Variants in TMEM131 observed in about 807,000 individuals in gnomAD.
The protein encoded by TMEM131 is transmembrane protein 131.
In TMEM131, 66 loss-of-function variants were observed where a neutral mutation model predicts 211.6. The ratio of observed to expected loss-of-function variants is 0.31; its 90% CI spans 0.26 to 0.38. The LOEUF (loss-of-function observed/expected upper bound fraction) is 0.38. Among genes scored for constraint, TMEM131 ranks in the 10% least tolerant of loss-of-function variants. The pLI, the probability that TMEM131 is intolerant of heterozygous loss-of-function variation, is 1.00. For synonymous variants in TMEM131, 844 were observed against 841.3 expected (o/e 1.00, Z -0.06); for missense variants, 2,036 against 2,299.3 (o/e 0.89, Z 2.34).
chr2:97,813,295 T>C (rs890547453), intron 15 of TMEM131, among the ~76,000 whole-genome samples: 2 of 152,182 alleles, frequency 1.3e-5, no homozygotes, highest in Non-Finnish European at 2.9e-5. Context: ...AGCGAGACAT[T>C]ACTGAAGGTC....
At position 97,802,704 on chromosome 2, in the gene TMEM131, A is replaced by C. The variant is rs1394543829; in HGVS notation, c.2489T>G (p.Leu830Arg). 1.2e-6 allele frequency: 2 copies of C among 1,608,840 alleles called. No homozygotes were observed. The highest frequency in any genetic ancestry group is 1.7e-5 in the Admixed American group (1 of 58,990). ...AAATTTCAAGTGCCGGGGTGAGCTA[A>C]GTATGGAAGGCCAGGAGAGCTCAGC... ...ITAELSWPSI[L>R]SSPRHLKFPL... Residue 830 changes from leucine to arginine, a missense_variant, in exon 23 of 41, where the codon CTT (leucine) becomes CGT (arginine). Transcript: ENST00000186436.
intron 33 of TMEM131, among the ~76,000 whole-genome samples, chr2:97,767,738 G>A (rs1321823928): frequency 2.0e-5 from 3 of 152,160 alleles, no homozygotes; most frequent in Non-Finnish European, 4.4e-5. Flanking sequence ...ACATTTCAGT[G>A]TGCTTTCTGC....
At chr2:97,781,906 C>T (rs1281521228) in intron 31 of TMEM131, among the ~76,000 whole-genome samples, 4 of 152,232 alleles carry the variant, frequency 2.6e-5, no homozygotes, top group African/African-American at 9.6e-5. Flanking sequence ...ACAAAGGCTC[C>T]AGGCCAACAC....
chr2:97,876,792 C>T (rs564860746), intron 4 of TMEM131, among the ~76,000 whole-genome samples: 5 of 152,110 alleles, frequency 3.3e-5, no homozygotes, highest in Non-Finnish European at 7.4e-5. Context: ...AAACTGGCAC[C>T]AGACAAGGAT....
intron 31 of TMEM131, among the ~76,000 whole-genome samples, chr2:97,781,960 G>A (rs575163093): frequency 3.9e-5 from 6 of 152,312 alleles, no homozygotes; most frequent in African/African-American, 1.4e-4. Flanking sequence ...GCCAACAAAG[G>A]CCAAAGTGGG....
In TMEM131 at chr2:97,821,658, A is replaced by G. The variant is rs1053646958; in HGVS notation, c.1075-2937T>C. On this transcript the variant is annotated intron_variant, in intron 11 of 40. Coordinates refer to ENST00000186436, the MANE Select transcript of TMEM131 (RefSeq NM_015348.2). ...CCACATGGGATACATTTTGGTGACC[A>G]GGAAGGGACTATCGCCAAGCAGTGA... Among the ~76,000 whole-genome samples the G allele has an allele frequency of 2.6e-5, 4 of 152,224 alleles. No homozygotes were observed. In the East Asian group the frequency reaches 7.7e-4, roughly 29 times the overall value.
intron 4 of TMEM131, among the ~76,000 whole-genome samples, chr2:97,873,435 C>T (rs1359921089): frequency 1.3e-5 from 2 of 152,214 alleles, no homozygotes; most frequent in African/African-American, 2.4e-5. Flanking sequence ...GGTCCCTGAC[C>T]GCCGTGTATC....
intron 6 of TMEM131, among the ~76,000 whole-genome samples, chr2:97,843,283 A>G (rs1406850480): frequency 6.6e-6 from 1 of 152,206 alleles, no homozygotes; most frequent in Non-Finnish European, 1.5e-5. Context: ...CATAGGTAGA[A>G]GGGCATGTAT....
intron 1 of TMEM131, among the ~76,000 whole-genome samples, chr2:97,984,346 T>A (rs891303707): frequency 4.0e-5 from 6 of 150,168 alleles, no homozygotes; most frequent in Non-Finnish European, 7.4e-5. Flanking sequence ...TTTCTTGGTA[T>A]TTTTTTTTTA....
chr2:97,827,252 C>A, intron 11 of TMEM131: 2 of 779,410 alleles, frequency 2.6e-6, no homozygotes, highest in Non-Finnish European at 4.7e-6. Context: ...GCCAGGATGC[C>A]CAAGAGGAAG....
rs1252539364 is a variant in TMEM131, at chr2:97,802,719, G to C, written c.2474C>G (p.Ser825Cys). 1.9e-6 allele frequency: 3 copies of C among 1,600,890 alleles called. No individual in the cohort carries two copies. Among genetic ancestry groups the C allele is most frequent in the Non-Finnish European group, 2.6e-6 (3 of 1,175,518 alleles). Residue 825 changes from serine to cysteine, a missense_variant, in exon 23 of 41, where the codon TCC (serine) becomes TGC (cysteine). Physicochemically the swap from Ser to Cys is moderately radical, Grantham distance 112. Transcript: ENST00000186436. ...GGGTGAGCTAAGTATGGAAGGCCAG[G>C]AGAGCTCAGCAGTGATTTTTGATAT... ...NIISKITAEL[S>C]WPSILSSPRH...
chr2:97,967,793 G>C (rs545440799), intron 1 of TMEM131, among the ~76,000 whole-genome samples: 1 of 152,196 alleles, frequency 6.6e-6, no homozygotes, highest in South Asian at 2.1e-4. Flanking sequence ...AGGTCACAGA[G>C]CTAGTAAGCA....
chr2:97,939,928 A>C (rs952706581), intron 1 of TMEM131, among the ~76,000 whole-genome samples: 3 of 152,226 alleles, frequency 2.0e-5, no homozygotes, highest in Non-Finnish European at 2.9e-5. Flanking sequence ...AAACTACATG[A>C]CTATCTCAAT....
At chr2:97,890,953 G>C (rs1675351768) in intron 3 of TMEM131, among the ~76,000 whole-genome samples, 1 of 152,112 alleles carries the variant, frequency 6.6e-6, no homozygotes, top group African/African-American at 2.4e-5. Context: ...ATAAATAAAA[G>C]CATATTTTCA....
intron 1 of TMEM131, among the ~76,000 whole-genome samples, chr2:97,985,701 GA>G (rs990306180): frequency 1.2e-4 from 18 of 149,680 alleles, no homozygotes; most frequent in East Asian, 9.8e-4. Context: ...AATACCCTGG[GA>G]AAAAAAAAAT....
intron 1 of TMEM131, among the ~76,000 whole-genome samples, chr2:97,929,332 A>G (rs1677121443): frequency 6.6e-6 from 1 of 151,772 alleles, no homozygotes; most frequent in African/African-American, 2.4e-5. Context: ...ATATCCATAA[A>G]CCCATATTGC....
At chr2:97,954,029 C>CT (rs1305829822) in intron 1 of TMEM131, among the ~76,000 whole-genome samples, 24 of 152,158 alleles carry the variant, frequency 1.6e-4, no homozygotes, top group Non-Finnish European at 7.3e-5. Flanking sequence ...GACCGAAACA[C>CT]TTATGTCACA....
intron 1 of TMEM131, among the ~76,000 whole-genome samples, chr2:97,929,098 G>C (rs546036090): frequency 3.3e-5 from 5 of 151,696 alleles, no homozygotes; most frequent in African/African-American, 1.2e-4. Context: ...GCTTCCTGGA[G>C]CAATGGCCGA....
At chr2:97,785,706 A>G (rs1680215355) in intron 31 of TMEM131, among the ~76,000 whole-genome samples, 1 of 152,224 alleles carries the variant, frequency 6.6e-6, no homozygotes, top group Non-Finnish European at 1.5e-5. Context: ...TCATACAAAA[A>G]CTTGTACACA....
Sources: allele counts gnomAD v4.1 joint callset (sites outside exome capture counted in the v4.1 genomes callset), GRCh38; gene constraint gnomAD v4.1.1; transcripts MANE v1.5; gene names NCBI Gene and HGNC (gene_info 2026-07-23, HGNC 2026-07-21).